CLPSL1: variants seen among roughly 807,000 people sequenced by gnomAD.
CLPSL1 encodes colipase-like protein 1.
In CLPSL1, 13 loss-of-function variants were observed where a neutral mutation model predicts 9.3. The observed-to-expected ratio is 1.40, with a 90% CI of 0.91 to 2.22. The LOEUF (loss-of-function observed/expected upper bound fraction) is 2.22, where lower values mean the gene tolerates loss of function less well. Ranked by LOEUF, CLPSL1 falls within the 30% of genes most tolerant of loss-of-function variation. CLPSL1 has a pLI of 0.00. For missense variants in CLPSL1, 164 were observed against 146.6 expected (o/e 1.12, Z -0.61); for synonymous variants, 58 against 56.9 (o/e 1.02, Z -0.08).
rs750204190 is a variant in CLPSL1, at chr6:35,787,091, G to C, written c.193G>C (p.Gly65Arg). Residue 65 changes from glycine (G) to arginine (R), a missense_variant, in exon 2 of 3, where the codon GGG (glycine) becomes CGG (arginine). Gly to Arg is a moderately radical substitution (Grantham distance 125, BLOSUM62 -2). Transcript: ENST00000373861. ...DNCESHCAEKGSEGSLCQTQV... is the reference protein window; with the variant it reads ...DNCESHCAEKRSEGSLCQTQV... ...TTGCGAGTCGCACTGCGCGGAGAAGGGGTCCGAGGGCAGTCTGTGTCAAAC... is the reference window on the plus strand; with the variant it reads ...TTGCGAGTCGCACTGCGCGGAGAAGCGGTCCGAGGGCAGTCTGTGTCAAAC... The C allele has an allele frequency of 4.3e-6, 7 of 1,611,010 alleles. No homozygotes were observed. The highest frequency in any genetic ancestry group is 5.9e-6 in the Non-Finnish European group (7 of 1,179,398).
downstream of CLPSL1, among the ~76,000 whole-genome samples, chr6:35,792,829 C>T (rs981434190): frequency 6.6e-6 from 1 of 152,258 alleles, no homozygotes; most frequent in Non-Finnish European, 1.5e-5. Context: ...CACCAAGAAG[C>T]GTGACTCAGC....
At chr6:35,789,217 A>C (rs1581955835), downstream of CLPSL1, among the ~76,000 whole-genome samples, 2 of 152,388 alleles carry the variant, frequency 1.3e-5, no homozygotes, top group African/African-American at 4.8e-5. Flanking sequence ...ATGTCTAAGA[A>C]GTTCCCAAGG....
intron 2 of CLPSL1, among the ~76,000 whole-genome samples, 178 bp downstream of exon 2, chr6:35,787,298 T>C (rs924095991): frequency 6.6e-5 from 10 of 152,242 alleles, no homozygotes; most frequent in Non-Finnish European, 1.2e-4. Flanking sequence ...GGAACCAATA[T>C]GGTAGCCCAC....
At position 35,787,103 on chromosome 6, in the gene CLPSL1, A is replaced by C; in HGVS notation, c.205A>C (p.Ser69Arg). The C allele has an allele frequency of 1.2e-6, 2 of 1,611,860 alleles. No homozygotes were observed. Among genetic ancestry groups the C allele is most frequent in the Middle Eastern group, 1.7e-4 (1 of 6,058 alleles). ...SHCAEKGSEG[S>R]LCQTQVFFGQ... Reference sequence around the variant, plus strand: ...CTGCGCGGAGAAGGGGTCCGAGGGCAGTCTGTGTCAAACGCAGGTGGGTAT... The same window carrying C: ...CTGCGCGGAGAAGGGGTCCGAGGGCCGTCTGTGTCAAACGCAGGTGGGTAT... The change falls in exon 2 of 3, where the codon AGT (serine) becomes CGT (arginine). Residue 69 changes from serine (S) to arginine (R), a missense_variant. Physicochemically the swap from Ser to Arg is moderately radical, Grantham distance 110. Transcript: ENST00000373861.
chr6:35,786,812 C>G (rs1379142384), intron 1 of CLPSL1, among the ~76,000 whole-genome samples, 186 bp from the exon 2 acceptor site: 1 of 152,288 alleles, frequency 6.6e-6, no homozygotes, highest in Non-Finnish European at 1.5e-5. Context: ...CAGTCCCCTC[C>G]AGGCATCCAC....
downstream of CLPSL1, among the ~76,000 whole-genome samples, chr6:35,790,202 G>C (rs1341059046): frequency 1.3e-5 from 2 of 152,220 alleles, no homozygotes; most frequent in African/African-American, 4.8e-5. Flanking sequence ...CAAAATGCTG[G>C]GATTACAGGC....
At chr6:35,787,194 G>C in intron 2 of CLPSL1, 74 bp downstream of exon 2, 1 of 1,541,038 alleles carries the variant, frequency 6.5e-7, no homozygotes, top group South Asian at 1.2e-5. Context: ...CAGATTCCTG[G>C]GGAGGAAAGA....
intron 1 of CLPSL1, among the ~76,000 whole-genome samples, chr6:35,785,737 G>A (rs1316657476): frequency 6.6e-6 from 1 of 151,974 alleles, no homozygotes; most frequent in Non-Finnish European, 1.5e-5. Flanking sequence ...GTGGGGGAGA[G>A]CCCTCTCCTA....
chr6:35,792,393 A>G (rs962540767), downstream of CLPSL1, among the ~76,000 whole-genome samples: 3 of 152,280 alleles, frequency 2.0e-5, no homozygotes, highest in Non-Finnish European at 4.4e-5. Flanking sequence ...CACAAAGCCT[A>G]TTTTAGAATA....
intron 1 of CLPSL1, 56 bp from the exon 2 acceptor site, chr6:35,786,942 C>A (rs377261621): frequency 5.8e-6 from 9 of 1,539,104 alleles, no homozygotes; most frequent in East Asian, 4.9e-5. Flanking sequence ...CCAGGCGGGG[C>A]GGCGAGGGCG....
intron 1 of CLPSL1, 103 bp downstream of exon 1, chr6:35,781,312 G>C: frequency 6.8e-7 from 1 of 1,474,644 alleles, no homozygotes; most frequent in Non-Finnish European, 9.0e-7. Context: ...GAGAAGGCCA[G>C]AAGTGGGGGC....
intron 1 of CLPSL1, among the ~76,000 whole-genome samples, chr6:35,786,564 T>C (rs1478041872): frequency 6.6e-6 from 1 of 152,200 alleles, no homozygotes; most frequent in Non-Finnish European, 1.5e-5. Context: ...TAATGTTAAT[T>C]ACTGTCCTAA....
chr6:35,785,093 G>A (rs1768042242), intron 1 of CLPSL1, among the ~76,000 whole-genome samples: 1 of 151,930 alleles, frequency 6.6e-6, no homozygotes. Flanking sequence ...TGGGAAGTGA[G>A]CACATGCAGG....
intron 1 of CLPSL1, among the ~76,000 whole-genome samples, chr6:35,783,311 G>A (rs1024372281): frequency 6.6e-6 from 1 of 152,166 alleles, no homozygotes; most frequent in African/African-American, 2.4e-5. Flanking sequence ...AAGAGTTCGA[G>A]AACAGCCTGA....
At chr6:35,792,549 T>A (rs1768241012), downstream of CLPSL1, among the ~76,000 whole-genome samples, 1 of 152,278 alleles carries the variant, frequency 6.6e-6, no homozygotes, top group African/African-American at 2.4e-5. Flanking sequence ...ACTGTGCCTC[T>A]GCTGTGTAGG....
In CLPSL1 at chr6:35,787,853, C is replaced by T. The variant is rs770742356; in HGVS notation, c.223-14C>T. On this transcript the variant is annotated splice_polypyrimidine_tract_variant and intron_variant, in intron 2 of 2. Coordinates refer to ENST00000373861, the MANE Select transcript of CLPSL1 (RefSeq NM_001010886.5). ...CTGCCGCCAAGGTCGAGGTCAAAGT[C>T]CTGTCTTTCCCAGGTGTTCTTTGGC... is the stretch of plus-strand genomic sequence containing the variant. The T allele has an allele frequency of 2.9e-5, 46 of 1,607,486 alleles. No homozygotes were observed. Among genetic ancestry groups the T allele is most frequent in the Non-Finnish European group, 3.5e-5 (41 of 1,175,478 alleles).
chr6:35,789,918 AT>A (rs1768155945), downstream of CLPSL1, among the ~76,000 whole-genome samples: 1 of 152,148 alleles, frequency 6.6e-6, no homozygotes, highest in African/African-American at 2.4e-5. Flanking sequence ...ATTTGAGGAA[AT>A]TTTATGGTTT....
chr6:35,791,475 G>A (rs532750458), downstream of CLPSL1, among the ~76,000 whole-genome samples: 83 of 152,108 alleles, frequency 5.5e-4, no homozygotes, highest in East Asian at 0.015. Context: ...TGGGCGTGGA[G>A]GGCACGCCTG....
chr6:35,792,073 C>T (rs1024118692), downstream of CLPSL1, among the ~76,000 whole-genome samples: 2 of 148,364 alleles, frequency 1.3e-5, no homozygotes, highest in Non-Finnish European at 3.0e-5. Flanking sequence ...GCAACAGAGA[C>T]AGACTCCATC....
Sources: gnomAD v4.1 joint callset for allele counts (sites outside exome capture counted in the v4.1 genomes callset) on GRCh38, gnomAD v4.1.1 for gene constraint, MANE v1.5 for transcripts, NCBI Gene and HGNC (gene_info 2026-07-23, HGNC 2026-07-21) for gene names.